Variants in CACNA2D2 observed in about 807,000 individuals in gnomAD.
The protein encoded by CACNA2D2 is calcium voltage-gated channel auxiliary subunit alpha2delta 2.
In CACNA2D2, 48 loss-of-function variants were observed where a neutral mutation model predicts 166.4. The observed-to-expected ratio is 0.29, with a 90% CI of 0.23 to 0.37. The LOEUF (loss-of-function observed/expected upper bound fraction) is 0.37, where lower values mean the gene tolerates loss of function less well. Among genes scored for constraint, CACNA2D2 ranks in the 10% least tolerant of loss-of-function variants. The probability of loss-of-function intolerance (pLI) is 1.00; values close to 1 mark genes in which losing one functional copy is unlikely to be tolerated. For synonymous variants in CACNA2D2, 561 were observed against 573.7 expected (o/e 0.98, Z 0.32); for missense variants, 1,122 against 1,433.0 (o/e 0.78, Z 3.50).
At chr3:50,429,490 C>A (rs939890613) in intron 3 of CACNA2D2, among the ~76,000 whole-genome samples, 2 of 150,698 alleles carry the variant, frequency 1.3e-5, no homozygotes, top group African/African-American at 4.9e-5. Flanking sequence ...CGGTGGCTCA[C>A]GCCAGTAATC....
intron 6 of CACNA2D2, 74 bp from the exon 7 acceptor site, chr3:50,381,200 T>G: frequency 6.5e-7 from 1 of 1,532,788 alleles, no homozygotes; most frequent in South Asian, 1.1e-5. Flanking sequence ...ACGACACTCA[T>G]GCCTGTGCCC....
intron 4 of CACNA2D2, among the ~76,000 whole-genome samples, chr3:50,389,207 T>C (rs932227348): frequency 2.0e-5 from 3 of 152,200 alleles, no homozygotes; most frequent in East Asian, 3.9e-4. Flanking sequence ...GGCCTTTCCC[T>C]GCGCCCGGCT....
intron 5 of CACNA2D2, among the ~76,000 whole-genome samples, chr3:50,385,433 G>A (rs1182637690): frequency 6.6e-6 from 1 of 152,088 alleles, no homozygotes; most frequent in Non-Finnish European, 1.5e-5. Flanking sequence ...GCTGACCCCC[G>A]CTGCCCACTA....
At chr3:50,481,424 T>C (rs1698052302) in intron 1 of CACNA2D2, among the ~76,000 whole-genome samples, 1 of 152,136 alleles carries the variant, frequency 6.6e-6, no homozygotes, top group African/African-American at 2.4e-5. Context: ...ATAATCAGTC[T>C]GTGGCCTTCC....
At chr3:50,487,006 G>C (rs1698314216) in intron 1 of CACNA2D2, among the ~76,000 whole-genome samples, 1 of 152,228 alleles carries the variant, frequency 6.6e-6, no homozygotes, top group Non-Finnish European at 1.5e-5. Context: ...CACTCCATGT[G>C]ATTTCCACTG....
chr3:50,370,406 G>A (rs376584519), intron 22 of CACNA2D2, 26 bp from the exon 23 acceptor site: 20 of 1,492,146 alleles, frequency 1.3e-5, no homozygotes, highest in Admixed American at 3.8e-5. Flanking sequence ...GGGGTTATCC[G>A]GCGGGGGCTG....
At chr3:50,374,675 G>A in intron 22 of CACNA2D2, 62 bp downstream of exon 22, 1 of 1,540,118 alleles carries the variant, frequency 6.5e-7, no homozygotes, top group Non-Finnish European at 8.8e-7. Context: ...TGCTGCCTGG[G>A]GCCGGCCAGG....
intron 2 of CACNA2D2, among the ~76,000 whole-genome samples, chr3:50,460,747 G>A (rs1575724070): frequency 6.6e-6 from 1 of 151,962 alleles, no homozygotes; most frequent in Admixed American, 6.6e-5. Context: ...CCAGCTACTC[G>A]GGGGGCTGAG....
chr3:50,365,712 GC>G lies in CACNA2D2; in HGVS notation c.2916-25del, dbSNP rs780128869. Reference sequence around the variant, plus strand: ...ACCTGCAGCGCACGGGGAGCCGAGTGCAGGTGGTCAGCAGAGGACGATGCCA... The same window carrying G: ...ACCTGCAGCGCACGGGGAGCCGAGTGAGGTGGTCAGCAGAGGACGATGCCA... On this transcript the variant is annotated intron_variant, in intron 33 of 37. Coordinates refer to ENST00000424201, the MANE Select transcript of CACNA2D2 (RefSeq NM_006030.4). This position sits in a 1 kb window ranked among gnomAD's most constrained non-coding sequence, Gnocchi z 4.5. 15 of 1,596,504 alleles carry G rather than the reference GC, an allele frequency of 9.4e-6. No homozygotes were observed. The African/African-American group carries it at 1.9e-4, about 20-fold the overall frequency.
intron 2 of CACNA2D2, among the ~76,000 whole-genome samples, chr3:50,462,430 A>AATG (rs1553750625): frequency 0.018 from 2,583 of 141,800 alleles, 89 homozygotes; most frequent in African/African-American, 0.062. Flanking sequence ...TAATAATAAT[A>AATG]ATGATAATAA....
intron 1 of CACNA2D2, among the ~76,000 whole-genome samples, chr3:50,484,867 T>C (rs763385218): frequency 6.6e-6 from 1 of 152,224 alleles, no homozygotes. Context: ...GTCCCAGCCC[T>C]CCTGTCCAGC....
rs1296444386 is a variant in CACNA2D2, at chr3:50,380,387, G to T, written c.842+361C>A. 6.6e-6 allele frequency among the ~76,000 whole-genome samples: 1 copy of T among 152,196 alleles called. No homozygotes were observed. The highest frequency in any genetic ancestry group is 1.5e-5 in the Non-Finnish European group (1 of 68,032). ...GGTGGCAGGGAAGGAGAGTCACAGG[G>T]AGCTGCCGGAGGGGCAGAACAGAGG... is the stretch of plus-strand genomic sequence containing the variant. On this transcript the variant is annotated intron_variant, in intron 8 of 37. Transcript: ENST00000424201. The surrounding 1 kb of genome is among the most constrained non-coding windows in gnomAD (Gnocchi z 4.9).
intron 4 of CACNA2D2, among the ~76,000 whole-genome samples, chr3:50,391,862 C>T (rs1455794963): frequency 6.6e-6 from 1 of 152,194 alleles, no homozygotes; most frequent in African/African-American, 2.4e-5. Flanking sequence ...AGCTGGGCGC[C>T]ATCCTCCCCA....
chr3:50,476,251 C>G (rs747526685), intron 1 of CACNA2D2, 52 bp from the exon 2 acceptor site: 5 of 1,451,074 alleles, frequency 3.4e-6, no homozygotes, highest in Non-Finnish European at 4.7e-6. Context: ...CAGAGCTGCA[C>G]AGCCCCACCC....
intron 3 of CACNA2D2, among the ~76,000 whole-genome samples, chr3:50,433,706 T>G (rs1708179282): frequency 6.6e-6 from 1 of 152,188 alleles, no homozygotes; most frequent in Non-Finnish European, 1.5e-5. Flanking sequence ...GGGGTCTGCC[T>G]GCTTTGTCAT....
rs1419061160 is a variant in CACNA2D2, at chr3:50,394,098, G to A, written c.465+11C>T. 9 of 1,613,522 alleles carry A rather than the reference G, an allele frequency of 5.6e-6. No individual in the cohort carries two copies. Among genetic ancestry groups the A allele is most frequent in the Middle Eastern group, 1.6e-4 (1 of 6,082 alleles). On this transcript the variant is annotated intron_variant, in intron 4 of 37. Coordinates refer to ENST00000424201, the MANE Select transcript of CACNA2D2 (RefSeq NM_006030.4). ...TGCCCTAAGTGCTGGGCAGGGTGCTGGGGTTCCTACCTTGATGTTGTCCTG... is the reference window on the plus strand; with the variant it reads ...TGCCCTAAGTGCTGGGCAGGGTGCTAGGGTTCCTACCTTGATGTTGTCCTG...
chr3:50,405,467 C>A (rs574752533), intron 3 of CACNA2D2, among the ~76,000 whole-genome samples: 1 of 152,172 alleles, frequency 6.6e-6, no homozygotes, highest in Non-Finnish European at 1.5e-5. Context: ...TAGGGAGGAG[C>A]GTCAGGGCTG....
chr3:50,470,586 TG>T (rs1408448487), intron 2 of CACNA2D2, among the ~76,000 whole-genome samples: 1 of 9,862 alleles, frequency 1.0e-4, no homozygotes, highest in African/African-American at 3.2e-4. Context: ...TGTGTGTATA[TG>T]GGGGGAGGGG....
In CACNA2D2 at chr3:50,365,461, C is replaced by T. The variant is rs758090213; in HGVS notation, c.2993G>A (p.Ser998Asn). The T allele has an allele frequency of 4.3e-6, 7 of 1,613,508 alleles. No homozygotes were observed. The highest frequency in any genetic ancestry group is 5.1e-6 in the Non-Finnish European group (6 of 1,179,896). ...FQADPAEAEG[S>N]PETRESSCVM... ...GCAGCTGCTCTCGCGCGTCTCGGGG[C>T]TCCCCTCGGCCTCCGCGGGGTCTGC... The change falls in exon 35 of 38, where the codon AGC (serine) becomes AAC (asparagine). Residue 998 changes from serine to asparagine, a missense_variant. Around this residue, in one of 2 missense-constraint regions of CACNA2D2, gnomAD observed 282 missense variants for 266.2 expected, o/e 1.06. Coordinates refer to ENST00000424201, the MANE Select transcript of CACNA2D2 (RefSeq NM_006030.4). The surrounding 1 kb of genome is among the most constrained non-coding windows in gnomAD (Gnocchi z 4.5).
Sources: gnomAD v4.1 joint callset for allele counts (sites outside exome capture counted in the v4.1 genomes callset) on GRCh38, gnomAD v4.1.1 for gene constraint, gnomAD v4.1.1 regional missense constraint, Gnocchi (gnomAD v3.1) non-coding constraint, MANE v1.5 for transcripts, NCBI Gene and HGNC (gene_info 2026-07-23, HGNC 2026-07-21) for gene names.